Variants in WDR72 observed in about 807,000 individuals in gnomAD.
WDR72 encodes WD repeat domain 72, also known as WD repeat-containing protein 72.
In WDR72, 120 loss-of-function variants were observed where a neutral mutation model predicts 124.2. That is an observed-to-expected ratio of 0.97 (90% confidence interval 0.83 to 1.12). The LOEUF (loss-of-function observed/expected upper bound fraction) is 1.12, where lower values mean the gene tolerates loss of function less well. WDR72 is among the 50% of genes most tolerant of loss of function. The probability of loss-of-function intolerance (pLI) is 0.00; values close to 1 mark genes in which losing one functional copy is unlikely to be tolerated. For missense variants in WDR72, 1,387 were observed against 1,278.8 expected, an observed-to-expected ratio of 1.08 and a Z score of -1.29; for synonymous variants, 452 against 441.7, an observed-to-expected ratio of 1.02 and a Z score of -0.29.
intron 12 of WDR72, among the ~76,000 whole-genome samples, chr15:53,700,909 G>C (rs990536022): frequency 6.6e-6 from 1 of 152,094 alleles, no homozygotes; most frequent in African/African-American, 2.4e-5. Context: ...GCAGCCCAAC[G>C]TGCTCCAGGA....
At chr15:53,529,175 TTTTTTTAAAAGA>T (rs1892310597) in intron 18 of WDR72, among the ~76,000 whole-genome samples, 1 of 138,234 alleles carries the variant, frequency 7.2e-6, no homozygotes, top group African/African-American at 2.9e-5. Context: ...TTTTTTTTTT[TTTTTTTAAAAGA>T]ATATAAAAAA....
intron 18 of WDR72, among the ~76,000 whole-genome samples, chr15:53,530,041 AT>A (rs914909837): frequency 6.6e-6 from 1 of 151,316 alleles, no homozygotes; most frequent in Non-Finnish European, 1.5e-5. Context: ...TTGGAAAACC[AT>A]TTTTTGTGGC....
intron 9 of WDR72, among the ~76,000 whole-genome samples, chr15:53,707,318 A>T (rs1264569809): frequency 6.6e-6 from 1 of 152,228 alleles, no homozygotes; most frequent in African/African-American, 2.4e-5. Context: ...TCCTGATATG[A>T]AAATAGGGAA....
intron 17 of WDR72, among the ~76,000 whole-genome samples, chr15:53,605,624 G>A (rs538069355): frequency 1.3e-5 from 2 of 152,348 alleles, no homozygotes; most frequent in East Asian, 3.9e-4. Flanking sequence ...GGAGGCCAAG[G>A]CGGGGGGATC....
At chr15:53,668,343 T>C (rs1177403212) in intron 13 of WDR72, among the ~76,000 whole-genome samples, 2 of 152,172 alleles carry the variant, frequency 1.3e-5, no homozygotes, top group Admixed American at 1.3e-4. Flanking sequence ...GACAGATAAA[T>C]AAACTACATG....
Position 53,516,754 on chromosome 15 carries a change from T to C in WDR72, c.*945A>G, listed in dbSNP as rs1271743938. 1 of 152,094 alleles carries C rather than the reference T, an allele frequency of 6.6e-6. No individual in the cohort carries two copies. The highest frequency in any genetic ancestry group is 1.5e-5 in the Non-Finnish European group (1 of 67,988). The allele number at this position is 152,094 out of a possible 1,614,324, so 9.4% of individuals were successfully genotyped here. On this transcript the variant is annotated 3_prime_UTR_variant, in exon 20 of 20. Transcript: ENST00000360509. The stretch of plus-strand genomic sequence containing the variant: ...GCAATATTTATATACATAAGATATG[T>C]AGATTAATAATTTTGATGATTTTCT...
chr15:53,523,721 G>A (rs1471945590), intron 18 of WDR72, among the ~76,000 whole-genome samples: 1 of 152,014 alleles, frequency 6.6e-6, no homozygotes, highest in East Asian at 1.9e-4. Context: ...TGGTGGCAAT[G>A]TTTCCTCTCA....
At chr15:53,633,224 T>C (rs896384350) in intron 14 of WDR72, among the ~76,000 whole-genome samples, 2 of 152,210 alleles carry the variant, frequency 1.3e-5, no homozygotes, top group African/African-American at 4.8e-5. Context: ...CCCTTGGTAC[T>C]GTACAGTGAG....
At chr15:53,641,625 T>G (rs1447197444) in intron 14 of WDR72, among the ~76,000 whole-genome samples, 1 of 152,008 alleles carries the variant, frequency 6.6e-6, no homozygotes, top group Non-Finnish European at 1.5e-5. Context: ...TATATCATTT[T>G]GTTAAATTAA....
chr15:53,564,295 A>C (rs1410954129), intron 18 of WDR72, among the ~76,000 whole-genome samples: 1 of 151,794 alleles, frequency 6.6e-6, no homozygotes, highest in Non-Finnish European at 1.5e-5. Context: ...TAAGAATATA[A>C]ACCTGAAATG....
chr15:53,716,062 C>T (rs12914274), intron 4 of WDR72, among the ~76,000 whole-genome samples: 5,867 of 152,156 alleles, frequency 0.039, 137 homozygotes, highest in Non-Finnish European at 0.049. Flanking sequence ...ATCAGCAACA[C>T]TAAGAGTGTA....
In WDR72 at chr15:53,597,074, C is replaced by T. The variant is rs1216656426; in HGVS notation, c.3148+5G>A. 1.2e-6 allele frequency: 2 copies of T among 1,613,268 alleles called. No homozygotes were observed. Among genetic ancestry groups the T allele is most frequent in the African/African-American group, 1.3e-5 (1 of 75,024 alleles). On this transcript the variant is annotated splice_donor_5th_base_variant and intron_variant, in intron 18 of 19. Transcript: ENST00000360509. Reference sequence around the variant, plus strand: ...AAAGAGTATACCAATAAATTTTGTACTTACTTTGCAGAGGCAAAGTGTTTC... The same window carrying T: ...AAAGAGTATACCAATAAATTTTGTATTTACTTTGCAGAGGCAAAGTGTTTC...
At position 53,678,071 on chromosome 15, in the gene WDR72, G is replaced by A. The variant is rs148364106; in HGVS notation, c.1766-12303C>T. Among the ~76,000 whole-genome samples, 335 of 152,286 alleles carry A rather than the reference G, an allele frequency of 2.2e-3. 1 individual carries two copies. The highest frequency in any genetic ancestry group is 6.8e-3 in the Middle Eastern group (2 of 294). ...TACCAGAGATTATGGGGACTGGCAG[G>A]TTTAGGGATAGATTTAAAGTAGGGA... On this transcript the variant is annotated intron_variant, in intron 13 of 19. Transcript: ENST00000360509.
chr15:53,533,277 C>T (rs954094223), intron 18 of WDR72, among the ~76,000 whole-genome samples: 1 of 152,078 alleles, frequency 6.6e-6, no homozygotes, highest in South Asian at 2.1e-4. Context: ...GACAAAGACG[C>T]TAGTCTGAAA....
chr15:53,702,741 C>T (rs1192519806), intron 11 of WDR72, among the ~76,000 whole-genome samples: 1 of 152,074 alleles, frequency 6.6e-6, no homozygotes, highest in East Asian at 1.9e-4. Context: ...GGTGTGGTAG[C>T]TCGCACCTAT....
intron 18 of WDR72, among the ~76,000 whole-genome samples, chr15:53,558,049 G>A (rs1893994129): frequency 6.6e-6 from 1 of 151,900 alleles, no homozygotes; most frequent in African/African-American, 2.4e-5. Flanking sequence ...GGAGCAGTGG[G>A]TTCCCTGAGT....
intron 14 of WDR72, among the ~76,000 whole-genome samples, chr15:53,654,507 A>G (rs2015348079): frequency 6.6e-6 from 1 of 152,234 alleles, no homozygotes; most frequent in African/African-American, 2.4e-5. Context: ...CCTAGAATTA[A>G]TGGACGTAGA....
intron 18 of WDR72, among the ~76,000 whole-genome samples, chr15:53,589,142 A>G (rs140160631): frequency 2.6e-5 from 4 of 151,948 alleles, no homozygotes; most frequent in Non-Finnish European, 5.9e-5. Context: ...TGAGCAGTCA[A>G]GAGTGAAATA....
chr15:53,710,817 G>A (rs765649826), intron 9 of WDR72, 40 bp downstream of exon 9: 1 of 1,500,854 alleles, frequency 6.7e-7, no homozygotes, highest in South Asian at 1.1e-5. Flanking sequence ...AAGAAACTGA[G>A]TGAAACAGCT....
Sources: allele counts gnomAD v4.1 joint callset (sites outside exome capture counted in the v4.1 genomes callset), GRCh38; gene constraint gnomAD v4.1.1; transcripts MANE v1.5; gene names NCBI Gene and HGNC (gene_info 2026-07-23, HGNC 2026-07-21).